Variants in PTN observed in about 807,000 individuals in gnomAD.
PTN encodes the protein pleiotrophin, also known as heparin affin regulatory protein.
Under a neutral mutation model 24.1 loss-of-function variants are expected in PTN, and 18 were observed. The observed-to-expected ratio is 0.75, with a 90% CI of 0.52 to 1.11. The LOEUF (loss-of-function observed/expected upper bound fraction) is 1.11, where lower values mean the gene tolerates loss of function less well. Among genes scored for constraint, PTN ranks in the 50% least tolerant of loss-of-function variants. The pLI is 0.00. For synonymous variants in PTN, 78 were observed against 68.6 expected, an observed-to-expected ratio of 1.14 and a Z score of -0.67; for missense variants, 163 against 198.8, an observed-to-expected ratio of 0.82 and a Z score of 1.08.
chr7:137,293,342 G>A (rs1809670740), intron 1 of PTN, among the ~76,000 whole-genome samples: 1 of 152,078 alleles, frequency 6.6e-6, no homozygotes, highest in Non-Finnish European at 1.5e-5. Flanking sequence ...CGCGCATAAG[G>A]GGTAGCCATC....
At chr7:137,262,149 C>T (rs1809051186) in intron 1 of PTN, among the ~76,000 whole-genome samples, 2 of 152,080 alleles carry the variant, frequency 1.3e-5, no homozygotes, top group African/African-American at 4.8e-5. Context: ...TAAAGTACAA[C>T]AATTTTCCTA....
chr7:137,329,762 A>C (rs955969792), intron 1 of PTN, among the ~76,000 whole-genome samples: 1 of 152,190 alleles, frequency 6.6e-6, no homozygotes, highest in Non-Finnish European at 1.5e-5. Flanking sequence ...TACTATCTGC[A>C]ACTGGCATAT....
chr7:137,276,109 G>A (rs773157289), intron 1 of PTN, among the ~76,000 whole-genome samples: 2 of 152,152 alleles, frequency 1.3e-5, no homozygotes, highest in East Asian at 1.9e-4. Flanking sequence ...CAGAAATGTC[G>A]CAGGTCAGCA....
chr7:137,258,927 T>C (rs1449592934), intron 1 of PTN, among the ~76,000 whole-genome samples: 1 of 152,004 alleles, frequency 6.6e-6, no homozygotes, highest in Non-Finnish European at 1.5e-5. Flanking sequence ...GAAAATAAAA[T>C]AGTGCGAGAA....
chr7:137,298,439 C>A lies in PTN; in HGVS notation c.-1-43465G>T, dbSNP rs1184943229. On this transcript the variant is annotated intron_variant, in intron 1 of 4. Coordinates refer to ENST00000348225, the MANE Select transcript of PTN (RefSeq NM_002825.7). Reference sequence around the variant, plus strand: ...TTTTTTTTCAAATTTTATGATCCTTCCACAGGTTTTAACATAAAAATAACT... The same window carrying A: ...TTTTTTTTCAAATTTTATGATCCTTACACAGGTTTTAACATAAAAATAACT... Among the ~76,000 whole-genome samples, 6 of 151,456 alleles carry A rather than the reference C, an allele frequency of 4.0e-5. No homozygotes were observed. In the East Asian group the frequency reaches 1.2e-3, roughly 30 times the overall value.
rs575203906 is a variant in PTN, at chr7:137,239,490, G to A, written c.452-11415C>T. ...ATGTATACATGTGACGTGCTGGTGCGCTGCACCCACTAACTCGTCATCTAG... is the reference window on the plus strand; with the variant it reads ...ATGTATACATGTGACGTGCTGGTGCACTGCACCCACTAACTCGTCATCTAG... On this transcript the variant is annotated intron_variant, in intron 4 of 4. Transcript: ENST00000348225. 4.6e-5 allele frequency among the ~76,000 whole-genome samples: 7 copies of A among 151,874 alleles called. No homozygotes were observed. The South Asian group carries it at 8.3e-4, about 18-fold the overall frequency.
At chr7:137,341,586 G>A (rs1435837679) in intron 1 of PTN, among the ~76,000 whole-genome samples, 1 of 152,024 alleles carries the variant, frequency 6.6e-6, no homozygotes, top group Non-Finnish European at 1.5e-5. Context: ...GTATCTAATA[G>A]TACTTTTATT....
chr7:137,251,500 T>C, intron 3 of PTN, 109 bp from the exon 4 acceptor site: 1 of 1,212,922 alleles, frequency 8.2e-7, no homozygotes. Flanking sequence ...TAATTATAGA[T>C]CCATATGCAG....
At position 137,251,216 on chromosome 7, in the gene PTN, T is replaced by C. The variant is rs749287574; in HGVS notation, c.451+14A>G. ...TCAATCCATTAAAATTGTGGTATAA[T>C]GGCAAGGACTTACCTTGAGGTTTGG... On this transcript the variant is annotated intron_variant, in intron 4 of 4. Transcript: ENST00000348225. 1.2e-5 allele frequency: 20 copies of C among 1,613,246 alleles called. No homozygotes were observed. The highest frequency in any genetic ancestry group is 1.7e-5 in the Non-Finnish European group (20 of 1,179,240).
chr7:137,240,683 T>A (rs1414565899), intron 4 of PTN, among the ~76,000 whole-genome samples: 1 of 152,134 alleles, frequency 6.6e-6, no homozygotes, highest in East Asian at 1.9e-4. Flanking sequence ...GTAAGCAATG[T>A]CTAGAGAAAG....
intron 4 of PTN, among the ~76,000 whole-genome samples, chr7:137,241,266 TATC>T (rs1270034374): frequency 2.0e-5 from 3 of 152,198 alleles, no homozygotes. Context: ...AACAGAGCCA[TATC>T]ATTATCTAAA....
At chr7:137,320,631 TG>T (rs1196209255) in intron 1 of PTN, among the ~76,000 whole-genome samples, 1 of 152,114 alleles carries the variant, frequency 6.6e-6, no homozygotes, top group Non-Finnish European at 1.5e-5. Flanking sequence ...AGCAAAATTT[TG>T]ATTTTTTTTT....
chr7:137,269,622 C>CAATTTTTTTTTTTT (rs1563206774), intron 1 of PTN, among the ~76,000 whole-genome samples: 1 of 106,066 alleles, frequency 9.4e-6, no homozygotes, highest in African/African-American at 4.5e-5. Flanking sequence ...GCTGCTTCAT[C>CAATTTTTTTTTTTT]TATTTTTTTT....
intron 1 of PTN, among the ~76,000 whole-genome samples, chr7:137,292,496 G>A (rs1158874076): frequency 1.3e-5 from 2 of 152,170 alleles, no homozygotes; most frequent in African/African-American, 4.8e-5. Flanking sequence ...CTGCCACCAT[G>A]TAAGACGTCC....
chr7:137,260,747 T>C (rs1387789869), intron 1 of PTN, among the ~76,000 whole-genome samples: 4 of 152,164 alleles, frequency 2.6e-5, no homozygotes, highest in Non-Finnish European at 5.9e-5. Flanking sequence ...TCAGGTGCTA[T>C]CCCTTTGGTA....
At chr7:137,266,693 T>A (rs538871993) in intron 1 of PTN, among the ~76,000 whole-genome samples, 8 of 151,666 alleles carry the variant, frequency 5.3e-5, no homozygotes, top group African/African-American at 1.7e-4. Flanking sequence ...TTTCTTTATG[T>A]CTGTGGACTA....
intron 1 of PTN, among the ~76,000 whole-genome samples, chr7:137,265,035 G>A (rs1809116075): frequency 6.6e-6 from 1 of 151,296 alleles, no homozygotes; most frequent in Non-Finnish European, 1.5e-5. Context: ...GGTGGCCCCA[G>A]GGCTGGGGCC....
At chr7:137,232,751 T>C (rs185332217) in intron 4 of PTN, among the ~76,000 whole-genome samples, 21 of 152,026 alleles carry the variant, frequency 1.4e-4, no homozygotes, top group Non-Finnish European at 2.8e-4. Flanking sequence ...ATAATCCCCA[T>C]GTGTCAAGGG....
At chr7:137,302,298 A>G (rs985010886) in intron 1 of PTN, among the ~76,000 whole-genome samples, 9 of 152,014 alleles carry the variant, frequency 5.9e-5, no homozygotes, top group African/African-American at 1.9e-4. Flanking sequence ...AAACAGAGGC[A>G]ACGTACCATG....
Sources: gnomAD v4.1 joint callset for allele counts (sites outside exome capture counted in the v4.1 genomes callset) on GRCh38, gnomAD v4.1.1 for gene constraint, MANE v1.5 for transcripts, NCBI Gene and HGNC (gene_info 2026-07-23, HGNC 2026-07-21) for gene names.